PDS5B: variants seen among roughly 807,000 people sequenced by gnomAD.
The protein encoded by PDS5B is sister chromatid cohesion protein PDS5 homolog B.
PDS5B carries 51 observed loss-of-function variants against 184.1 expected under a neutral mutation model. That is an observed-to-expected ratio of 0.28 (90% CI 0.22 to 0.35). The LOEUF (loss-of-function observed/expected upper bound fraction) is 0.35, where lower values mean the gene tolerates loss of function less well. Ranked by LOEUF, PDS5B falls within the 10% of genes least tolerant of loss-of-function variation. PDS5B has a pLI of 1.00. For synonymous variants in PDS5B, 566 were observed against 569.2 expected, an observed-to-expected ratio of 0.99 and a Z score of 0.08; for missense variants, 1,180 against 1,723.3, an observed-to-expected ratio of 0.68 and a Z score of 5.58.
At chr13:32,635,060 G>A (rs566191864) in intron 1 of PDS5B, among the ~76,000 whole-genome samples, 12 of 144,250 alleles carry the variant, frequency 8.3e-5, no homozygotes, top group African/African-American at 3.1e-4. Context: ...CTAGGCTGGA[G>A]TGCAGTAACT....
chr13:32,590,155 G>C (rs1299692358), intron 1 of PDS5B, among the ~76,000 whole-genome samples: 2 of 152,096 alleles, frequency 1.3e-5, no homozygotes, highest in Non-Finnish European at 2.9e-5. Flanking sequence ...AAAATACTTG[G>C]TTTAGCTATG....
intron 12 of PDS5B, 28 bp from the exon 13 acceptor site, chr13:32,688,428 A>G (rs1050906523): frequency 1.7e-6 from 2 of 1,155,726 alleles, no homozygotes; most frequent in Non-Finnish European, 2.5e-6. Flanking sequence ...AAAAAAATCA[A>G]TACAATGCCT....
intron 19 of PDS5B, among the ~76,000 whole-genome samples, chr13:32,718,902 C>G (rs763760851): frequency 2.0e-5 from 3 of 152,082 alleles, no homozygotes; most frequent in Non-Finnish European, 4.4e-5. Flanking sequence ...GGATATAATA[C>G]TTAACAAATA....
intron 2 of PDS5B, chr13:32,649,444 A>C (rs538199639): frequency 6.6e-6 from 1 of 152,338 alleles, no homozygotes; most frequent in South Asian, 2.1e-4. Flanking sequence ...TAATTGTTAA[A>C]ATGGATAAAG....
chr13:32,723,278 A>C (rs1259458733), intron 19 of PDS5B, among the ~76,000 whole-genome samples: 2 of 152,238 alleles, frequency 1.3e-5, no homozygotes, highest in African/African-American at 2.4e-5. Context: ...ATGTCTAGAG[A>C]AATTTTAGGA....
At chr13:32,764,181 C>A (rs1954507486) in intron 30 of PDS5B, among the ~76,000 whole-genome samples, 1 of 152,008 alleles carries the variant, frequency 6.6e-6, no homozygotes, top group Non-Finnish European at 1.5e-5. Context: ...GCAGTGTAGA[C>A]CAAGCTAAAC....
intron 22 of PDS5B, among the ~76,000 whole-genome samples, chr13:32,742,332 A>G (rs1013822498): frequency 2.0e-5 from 3 of 152,208 alleles, no homozygotes; most frequent in Non-Finnish European, 4.4e-5. Context: ...TGTATGTTCT[A>G]CAGGATCAAA....
At chr13:32,708,793 T>TA (rs1952111394) in intron 18 of PDS5B, among the ~76,000 whole-genome samples, 1 of 152,134 alleles carries the variant, frequency 6.6e-6, no homozygotes, top group Non-Finnish European at 1.5e-5. Flanking sequence ...TGTTTTTTTT[T>TA]AAACTGATTT....
In PDS5B at chr13:32,648,808, A is replaced by C. The variant is rs1460695118; in HGVS notation, c.36A>C (p.Lys12Asn). ...CAAAGACTAGGACCAATGATGGAAA[A>C]ATTACATATCCGCCTGGGGTCAAGG... ...AHSKTRTNDG[K>N]ITYPPGVKEI... The change falls in exon 2 of 35, where the codon AAA (lysine) becomes AAC (asparagine). Residue 12 changes from lysine (K) to asparagine (N), a missense_variant. Physicochemically the swap from Lys to Asn is moderately conservative, Grantham distance 94 (BLOSUM62 0). Coordinates refer to ENST00000315596, the MANE Select transcript of PDS5B (RefSeq NM_015032.4). The C allele has an allele frequency of 6.4e-7, 1 of 1,561,780 alleles. No homozygotes were observed. The highest frequency in any genetic ancestry group is 1.7e-5 in the Admixed American group (1 of 59,962).
At chr13:32,767,490 A>G (rs1338906156) in intron 31 of PDS5B, among the ~76,000 whole-genome samples, 1 of 152,190 alleles carries the variant, frequency 6.6e-6, no homozygotes, top group Non-Finnish European at 1.5e-5. Flanking sequence ...TTATGTTTGT[A>G]ACTAACATTA....
At chr13:32,691,959 T>C (rs1951562232) in intron 13 of PDS5B, among the ~76,000 whole-genome samples, 1 of 152,072 alleles carries the variant, frequency 6.6e-6, no homozygotes, top group South Asian at 2.1e-4. Context: ...GGTCCATTAA[T>C]GTTCTGATTT....
chr13:32,746,794 G>C (rs1209520569), intron 24 of PDS5B, among the ~76,000 whole-genome samples: 4 of 152,198 alleles, frequency 2.6e-5, no homozygotes, highest in African/African-American at 7.2e-5. Context: ...CTGGGAATGT[G>C]CACATCTGGC....
chr13:32,714,786 GCT>G (rs1952321522), intron 19 of PDS5B, among the ~76,000 whole-genome samples: 1 of 151,988 alleles, frequency 6.6e-6, no homozygotes, highest in South Asian at 2.1e-4. Context: ...ATTTCATATT[GCT>G]CAAACACACA....
chr13:32,768,947 CAAAAAAAA>C (rs770324221), intron 31 of PDS5B, among the ~76,000 whole-genome samples: 15 of 84,522 alleles, frequency 1.8e-4, no homozygotes, highest in Non-Finnish European at 2.6e-4. Flanking sequence ...TAAAAAAATA[CAAAAAAAA>C]AAAAAAAAAA....
intron 7 of PDS5B, among the ~76,000 whole-genome samples, chr13:32,669,718 G>A (rs928960532): frequency 2.0e-5 from 3 of 152,138 alleles, no homozygotes; most frequent in East Asian, 1.9e-4. Context: ...GGGAGCAGGG[G>A]CCAGAGTGTT....
In PDS5B at chr13:32,710,005, G is replaced by A. The variant is rs2140892914; in HGVS notation, c.2022G>A (p.Leu674=). The change falls in exon 19 of 35, where the codon CTG becomes CTA. Residue 674 remains leucine (L), a synonymous_variant. Coordinates refer to ENST00000315596, the MANE Select transcript of PDS5B (RefSeq NM_015032.4). ...CTGCTGAAACATTTGAATCATTACT[G>A]GCTTGTCTGAAAATGGATGATGAAA... The part of the protein sequence containing the change: ...FHSAETFESL[L]ACLKMDDEKV... The A allele has an allele frequency of 6.4e-7, 1 of 1,550,506 alleles. No homozygotes were observed. Among genetic ancestry groups the A allele is most frequent in the East Asian group, 2.3e-5 (1 of 43,756 alleles).
intron 1 of PDS5B, among the ~76,000 whole-genome samples, chr13:32,602,634 A>G (rs1050920338): frequency 6.6e-6 from 1 of 152,172 alleles, no homozygotes; most frequent in Non-Finnish European, 1.5e-5. Flanking sequence ...GCTGGGTCAA[A>G]TGGTATTTCT....
At chr13:32,738,078 A>G (rs1173532944) in intron 21 of PDS5B, among the ~76,000 whole-genome samples, 1 of 152,202 alleles carries the variant, frequency 6.6e-6, no homozygotes, top group Non-Finnish European at 1.5e-5. Flanking sequence ...TTGTTACTCT[A>G]TAATTTCACT....
intron 1 of PDS5B, among the ~76,000 whole-genome samples, chr13:32,636,792 A>G (rs1401575285): frequency 6.6e-6 from 1 of 152,214 alleles, no homozygotes; most frequent in African/African-American, 2.4e-5. Flanking sequence ...TTGTATTTAC[A>G]TTTATGATAA....
Sources: gnomAD v4.1 joint callset for allele counts (sites outside exome capture counted in the v4.1 genomes callset) on GRCh38, gnomAD v4.1.1 for gene constraint, MANE v1.5 for transcripts, NCBI Gene and HGNC (gene_info 2026-07-23, HGNC 2026-07-21) for gene names.